IQSEC1: variants seen among roughly 807,000 people sequenced by gnomAD.
IQSEC1 encodes the protein IQ motif and Sec7 domain ArfGEF 1, also known as IQ motif and SEC7 domain-containing protein 1.
In IQSEC1, 31 loss-of-function variants were observed where a neutral mutation model predicts 91.0. That is an observed-to-expected ratio of 0.34 (90% CI 0.26 to 0.46). The LOEUF (loss-of-function observed/expected upper bound fraction) is 0.46. IQSEC1 is among the 20% of genes least tolerant of loss of function. The pLI is 1.00. For missense variants in IQSEC1, 1,388 were observed against 1,575.6 expected, an observed-to-expected ratio of 0.88 and a Z score of 2.02; for synonymous variants, 699 against 662.6, an observed-to-expected ratio of 1.05 and a Z score of -0.84.
At chr3:13,127,304 C>A (rs981839110) in intron 2 of IQSEC1, among the ~76,000 whole-genome samples, 1 of 152,078 alleles carries the variant, frequency 6.6e-6, no homozygotes, top group Non-Finnish European at 1.5e-5. Context: ...ATCCCAGCTA[C>A]TTGGGAGGCT....
chr3:13,131,230 C>T (rs574909972), intron 2 of IQSEC1, among the ~76,000 whole-genome samples: 2 of 151,732 alleles, frequency 1.3e-5, no homozygotes, highest in Admixed American at 6.6e-5. Context: ...TTCTTTATTC[C>T]TAGTAACATT....
chr3:12,991,178 T>C (rs143332432), intron 1 of IQSEC1, among the ~76,000 whole-genome samples: 283 of 152,240 alleles, frequency 1.9e-3, no homozygotes, highest in Middle Eastern at 3.4e-3. Flanking sequence ...TCAGTGATAA[T>C]GGTATCCCCG....
intron 1 of IQSEC1, among the ~76,000 whole-genome samples, chr3:12,987,850 C>G (rs987627835): frequency 6.6e-6 from 1 of 152,176 alleles, no homozygotes; most frequent in African/African-American, 2.4e-5. Flanking sequence ...CCAACCTCAT[C>G]GGGGAGATGC....
chr3:12,962,572 C>T (rs1050440880), intron 1 of IQSEC1, among the ~76,000 whole-genome samples: 11 of 152,240 alleles, frequency 7.2e-5, no homozygotes, highest in African/African-American at 2.7e-4. Flanking sequence ...TGTGTGTCCT[C>T]TAGTGATTCA....
chr3:13,053,934 A>C (rs906143664), intron 1 of IQSEC1, among the ~76,000 whole-genome samples: 48 of 152,228 alleles, frequency 3.2e-4, no homozygotes, highest in Admixed American at 3.1e-3. Flanking sequence ...TTAATATTTG[A>C]GGAGACTTTC....
chr3:12,902,670 C>CAAAAAAAAAAAAAAAAAAAAAAAAACA (rs1213830618), intron 13 of IQSEC1, 103 bp downstream of exon 13: 32 of 192,630 alleles, frequency 1.7e-4, no homozygotes, highest in Admixed American at 4.9e-4. Flanking sequence ...AAAAAAAAAC[C>CAAAAAAAAAAAAAAAAAAAAAAAAACA]AAAAAAAAAA....
chr3:13,129,593 T>G (rs537025005), intron 2 of IQSEC1, among the ~76,000 whole-genome samples: 1 of 152,264 alleles, frequency 6.6e-6, no homozygotes, highest in East Asian at 1.9e-4. Flanking sequence ...CTTTTTTCTT[T>G]TCTAATATTG....
At chr3:13,275,263 C>G (rs1401742300) in intron 1 of IQSEC1, among the ~76,000 whole-genome samples, 1 of 152,306 alleles carries the variant, frequency 6.6e-6, no homozygotes, top group Admixed American at 6.5e-5. Context: ...AGGTGCAGAA[C>G]GACAGTCTCT....
At chr3:13,216,777 T>C (rs998913515) in intron 1 of IQSEC1, among the ~76,000 whole-genome samples, 8 of 152,222 alleles carry the variant, frequency 5.3e-5, no homozygotes, top group Non-Finnish European at 2.9e-5. Flanking sequence ...GGATGCACTC[T>C]CTTCCCCGTG....
intron 4 of IQSEC1, among the ~76,000 whole-genome samples, chr3:12,923,688 G>A (rs1268938500): frequency 6.6e-6 from 1 of 152,216 alleles, no homozygotes; most frequent in African/African-American, 2.4e-5. Flanking sequence ...GCCTCCTAGG[G>A]AGAAGCAGCA....
chr3:13,154,030 A>G (rs1377449686), intron 2 of IQSEC1, among the ~76,000 whole-genome samples: 1 of 152,068 alleles, frequency 6.6e-6, no homozygotes, highest in African/African-American at 2.4e-5. Context: ...CGGGATGAAA[A>G]TCGAGGACGG....
intron 1 of IQSEC1, among the ~76,000 whole-genome samples, chr3:13,042,112 A>G (rs1372708318): frequency 2.0e-5 from 3 of 152,262 alleles, no homozygotes; most frequent in East Asian, 3.8e-4. Context: ...AGAGGAAAGA[A>G]TAGTTAAGCC....
At chr3:13,112,726 G>C (rs757663893) in intron 2 of IQSEC1, among the ~76,000 whole-genome samples, 2 of 152,208 alleles carry the variant, frequency 1.3e-5, no homozygotes, top group Non-Finnish European at 2.9e-5. Context: ...GGGTACGGGG[G>C]CGAGCAGGCC....
Position 13,103,696 on chromosome 3 carries a change from G to C in IQSEC1, c.303-56174C>G, listed in dbSNP as rs1706100738. On this transcript the variant is annotated intron_variant, in intron 2 of 15. Coordinates refer to the IQSEC1 transcript ENST00000648114. The surrounding 1 kb of genome is among the most constrained non-coding windows in gnomAD (Gnocchi z 4.1). ...AGCGGGGCTGGCAGCTGTGATTTCA[G>C]AGCAGGGGAAGGTTGGAGGCCTGAC... Among the ~76,000 whole-genome samples, 1 of 152,122 alleles carries C rather than the reference G, an allele frequency of 6.6e-6. No homozygotes were observed. The highest frequency in any genetic ancestry group is 2.4e-5 in the African/African-American group (1 of 41,424).
At chr3:13,046,315 C>T (rs1704491876) in intron 1 of IQSEC1, among the ~76,000 whole-genome samples, 1 of 152,214 alleles carries the variant, frequency 6.6e-6, no homozygotes, top group South Asian at 2.1e-4. Flanking sequence ...GTGAGCGTGT[C>T]GCTCATGTGT....
rs534109051 is a variant in IQSEC1 at position 13,024,958 on chromosome 3, G to GT, written c.23+48033dup. Among the ~76,000 whole-genome samples, 12 of 152,364 alleles carry GT rather than the reference G, an allele frequency of 7.9e-5. No homozygotes were observed. In the South Asian group the frequency reaches 1.7e-3, roughly 21 times the overall value. On this transcript the variant is annotated intron_variant, in intron 1 of 13. Coordinates refer to ENST00000613206, the MANE Select transcript of IQSEC1 (RefSeq NM_001134382.3). The stretch of plus-strand genomic sequence containing the variant: ...CCCTCCAGGCTGTGATGAGGAATGA[G>GT]TGATACCACAACTGTGTGACCCTGG...
At chr3:13,250,817 G>A (rs985213567) in intron 1 of IQSEC1, among the ~76,000 whole-genome samples, 5 of 151,476 alleles carry the variant, frequency 3.3e-5, no homozygotes, top group Non-Finnish European at 5.9e-5. Context: ...CACCCCTGCT[G>A]CCACCCCTCT....
intron 9 of IQSEC1, among the ~76,000 whole-genome samples, chr3:12,912,861 C>T (rs1695701178): frequency 1.3e-5 from 2 of 152,174 alleles, no homozygotes; most frequent in South Asian, 2.1e-4. Flanking sequence ...TTTGGGGAAA[C>T]CTCCAGCCCT....
intron 2 of IQSEC1, among the ~76,000 whole-genome samples, chr3:13,145,238 A>G (rs1706869813): frequency 6.6e-6 from 1 of 152,172 alleles, no homozygotes; most frequent in African/African-American, 2.4e-5. Flanking sequence ...AAAGGCATCT[A>G]AAGTGTGGTG....
Sources: gnomAD v4.1 joint callset for allele counts (sites outside exome capture counted in the v4.1 genomes callset) on GRCh38, gnomAD v4.1.1 for gene constraint, Gnocchi (gnomAD v3.1) non-coding constraint, MANE v1.5 for transcripts, NCBI Gene and HGNC (gene_info 2026-07-23, HGNC 2026-07-21) for gene names.